The following PRR16 variants were observed in gnomAD, a reference collection of about 807,000 sequenced individuals.
PRR16 encodes the protein proline rich 16, also known as protein Largen.
Under a neutral mutation model 18.2 loss-of-function variants are expected in PRR16, and 6 were observed. The observed-to-expected ratio is 0.33, with a 90% CI of 0.18 to 0.65. The LOEUF (loss-of-function observed/expected upper bound fraction) is 0.65. Among genes scored for constraint, PRR16 ranks in the 30% least tolerant of loss-of-function variants. The probability of loss-of-function intolerance (pLI) is 0.74; values close to 1 mark genes in which losing one functional copy is unlikely to be tolerated. For missense variants in PRR16, 412 were observed against 376.6 expected (o/e 1.09, Z -0.78); for synonymous variants, 151 against 147.8 (o/e 1.02, Z -0.16).
At chr5:120,537,799 C>T (rs1351294407) in intron 1 of PRR16, among the ~76,000 whole-genome samples, 3 of 115,314 alleles carry the variant, frequency 2.6e-5, no homozygotes, top group Non-Finnish European at 1.7e-5. Flanking sequence ...TTTTTTGAGA[C>T]GGAGTCTCGC....
the PRR16 span, chr5:120,790,185 A>T: frequency 6.6e-6 from 1 of 152,132 alleles, no homozygotes; most frequent in Non-Finnish European, 1.5e-5. Flanking sequence ...GGGGGTAAAA[A>T]AAGCCACAGC....
At chr5:120,609,051 A>C (rs969472246) in intron 1 of PRR16, among the ~76,000 whole-genome samples, 1 of 152,090 alleles carries the variant, frequency 6.6e-6, no homozygotes, top group African/African-American at 2.4e-5. Context: ...CATCTTCTAA[A>C]AACATTTTCT....
chr5:120,474,386 T>C (rs923726584), intron 1 of PRR16, among the ~76,000 whole-genome samples: 25 of 152,126 alleles, frequency 1.6e-4, no homozygotes, highest in African/African-American at 5.8e-4. Context: ...GGAAAATGTT[T>C]CTAGATGATG....
chr5:120,473,240 T>C (rs1195013267), intron 1 of PRR16, among the ~76,000 whole-genome samples: 1 of 152,198 alleles, frequency 6.6e-6, no homozygotes, highest in African/African-American at 2.4e-5. Context: ...CAATTATATA[T>C]AGAATGAAGT....
the PRR16 span, among the ~76,000 whole-genome samples, chr5:120,702,238 GAAATAAGGGGTCGGGGCACGGAAAT>G: frequency 2.8e-5 from 2 of 70,262 alleles, no homozygotes; most frequent in African/African-American, 1.3e-4. Flanking sequence ...TCGGGACACA[GAAATAAGGGGTCGGGGCACGGAAAT>G]AAGGGGTCGG....
chr5:120,786,439 A>G, the PRR16 span, among the ~76,000 whole-genome samples: 1 of 151,290 alleles, frequency 6.6e-6, no homozygotes. Context: ...TTTTAACATG[A>G]TTTTGGTCTC....
At chr5:120,780,764 A>G in the PRR16 span, among the ~76,000 whole-genome samples, 4 of 152,166 alleles carry the variant, frequency 2.6e-5, no homozygotes, top group Admixed American at 6.5e-5. Context: ...TTCATGAAAT[A>G]TAATTTCCGG....
intron 1 of PRR16, among the ~76,000 whole-genome samples, chr5:120,475,405 T>C (rs1307680483): frequency 6.6e-6 from 1 of 152,200 alleles, no homozygotes; most frequent in Non-Finnish European, 1.5e-5. Flanking sequence ...ACTTTCTGTC[T>C]TACTTTTTTT....
At chr5:120,783,918 CATAAG>C in the PRR16 span, among the ~76,000 whole-genome samples, 2 of 152,102 alleles carry the variant, frequency 1.3e-5, no homozygotes, top group Non-Finnish European at 2.9e-5. Context: ...TTTCCACCTT[CATAAG>C]ATAATTTTTT....
At chr5:120,700,861 C>A in the PRR16 span, among the ~76,000 whole-genome samples, 1 of 152,174 alleles carries the variant, frequency 6.6e-6, no homozygotes, top group Non-Finnish European at 1.5e-5. Context: ...TCTTCAGCCG[C>A]TAAGCCGAGA....
chr5:120,651,672 T>C (rs949636004), intron 1 of PRR16, among the ~76,000 whole-genome samples: 1 of 152,168 alleles, frequency 6.6e-6, no homozygotes, highest in African/African-American at 2.4e-5. Flanking sequence ...GTCTCTGTTC[T>C]GTTCCATTGG....
intron 1 of PRR16, among the ~76,000 whole-genome samples, chr5:120,666,516 A>C (rs1372185346): frequency 6.6e-6 from 1 of 151,660 alleles, no homozygotes; most frequent in Middle Eastern, 3.2e-3. Flanking sequence ...GTGGTGAGAG[A>C]GGGCATCCCT....
At chr5:120,777,403 A>T in the PRR16 span, among the ~76,000 whole-genome samples, 5 of 151,816 alleles carry the variant, frequency 3.3e-5, no homozygotes, top group Admixed American at 1.3e-4. Context: ...TTTGTACTTA[A>T]AACATAATTA....
chr5:120,776,956 A>T, the PRR16 span, among the ~76,000 whole-genome samples: 1 of 152,116 alleles, frequency 6.6e-6, no homozygotes, highest in Non-Finnish European at 1.5e-5. Context: ...AACACTATCC[A>T]AAATTTTGTT....
rs538160565 is a variant in PRR16, at chr5:120,657,875, A to C, written c.160-28079A>C. 2.6e-5 allele frequency among the ~76,000 whole-genome samples: 4 copies of C among 152,004 alleles called. No homozygotes were observed. In the East Asian group the frequency reaches 7.8e-4, roughly 29 times the overall value. On this transcript the variant is annotated intron_variant, in intron 1 of 1. Transcript: ENST00000407149. ...AATTTACCATTAAGAACTGAACTTTACTAAGGGTGTGATTGTCGCCATATG... is the reference window on the plus strand; with the variant it reads ...AATTTACCATTAAGAACTGAACTTTCCTAAGGGTGTGATTGTCGCCATATG...
intron 1 of PRR16, among the ~76,000 whole-genome samples, chr5:120,469,496 A>ATT (rs112912445): frequency 2.0e-5 from 3 of 146,906 alleles, no homozygotes; most frequent in African/African-American, 7.5e-5. Flanking sequence ...CTAATTTTTA[A>ATT]TTTTTTTTTT....
At chr5:120,495,609 A>G (rs148752700) in intron 1 of PRR16, among the ~76,000 whole-genome samples, 55 of 152,268 alleles carry the variant, frequency 3.6e-4, no homozygotes, top group African/African-American at 1.2e-3. Flanking sequence ...GGATGAATCC[A>G]CAGATACAGA....
At chr5:120,495,219 T>A (rs1398800187) in intron 1 of PRR16, among the ~76,000 whole-genome samples, 1 of 152,124 alleles carries the variant, frequency 6.6e-6, no homozygotes, top group African/African-American at 2.4e-5. Flanking sequence ...TGTCTATTTA[T>A]TTGATCATGT....
intron 1 of PRR16, among the ~76,000 whole-genome samples, chr5:120,491,416 AC>A: frequency 6.9e-6 from 1 of 143,946 alleles, no homozygotes; most frequent in East Asian, 2.1e-4. Context: ...AAAGGCATAT[AC>A]CCTTTCCTTT....
Sources: gnomAD v4.1 joint callset for allele counts (sites outside exome capture counted in the v4.1 genomes callset) on GRCh38, gnomAD v4.1.1 for gene constraint, MANE v1.5 for transcripts, NCBI Gene and HGNC (gene_info 2026-07-23, HGNC 2026-07-21) for gene names.